The following LARGE1 variants were observed in gnomAD, a reference collection of about 807,000 sequenced individuals.
The protein encoded by LARGE1 is LARGE xylosyl- and glucuronyltransferase 1.
Under a neutral mutation model 87.6 loss-of-function variants are expected in LARGE1, and 43 were observed. The ratio of observed to expected loss-of-function variants is 0.49; its 90% CI spans 0.38 to 0.63. LARGE1 has a LOEUF of 0.63. LARGE1 is among the 30% of genes least tolerant of loss of function. The pLI, the probability that LARGE1 is intolerant of heterozygous loss-of-function variation, is 0.00. For missense variants in LARGE1, 802 were observed against 1,000.2 expected (o/e 0.80, Z 2.67); for synonymous variants, 434 against 394.6 (o/e 1.10, Z -1.18).
intron 2 of LARGE1, among the ~76,000 whole-genome samples, chr22:33,748,760 A>G (rs1195342023): frequency 6.6e-6 from 1 of 152,200 alleles, no homozygotes; most frequent in Non-Finnish European, 1.5e-5. Flanking sequence ...ATTTTGATGA[A>G]ATAATTTAAT....
intron 2 of LARGE1, among the ~76,000 whole-genome samples, chr22:33,753,272 T>C (rs901354162): frequency 2.0e-5 from 3 of 151,380 alleles, no homozygotes; most frequent in African/African-American, 4.9e-5. Flanking sequence ...GGTAGGAGAG[T>C]CACAGTCAGA....
At chr22:33,504,245 C>A (rs1460691553) in intron 6 of LARGE1, among the ~76,000 whole-genome samples, 1 of 152,090 alleles carries the variant, frequency 6.6e-6, no homozygotes, top group Non-Finnish European at 1.5e-5. Flanking sequence ...GAACTATACA[C>A]TACAAATGGG....
At chr22:33,430,378 C>G (rs1268180127) in intron 7 of LARGE1, among the ~76,000 whole-genome samples, 3 of 152,188 alleles carry the variant, frequency 2.0e-5, no homozygotes, top group East Asian at 3.9e-4. Context: ...TCCTGACCTG[C>G]TAAGAGAACC....
chr22:33,795,440 G>A (rs1267782152), intron 1 of LARGE1, among the ~76,000 whole-genome samples: 3 of 152,138 alleles, frequency 2.0e-5, no homozygotes, highest in Admixed American at 1.3e-4. Context: ...GAGGGAGAGA[G>A]AGAGACAAAG....
intron 6 of LARGE1, among the ~76,000 whole-genome samples, chr22:33,489,739 C>T (rs945927312): frequency 3.9e-5 from 6 of 152,102 alleles, no homozygotes; most frequent in Non-Finnish European, 7.4e-5. Flanking sequence ...TCGGGTGTGT[C>T]GTTATCAGCA....
intron 3 of LARGE1, 88 bp from the exon 4 acceptor site, chr22:33,626,414 C>T: frequency 9.9e-7 from 1 of 1,008,000 alleles, no homozygotes; most frequent in Admixed American, 1.9e-5. Flanking sequence ...AGAAAAATTG[C>T]CCTGATTTCT....
chr22:33,316,224 C>T lies in LARGE1; in HGVS notation c.1312G>A (p.Asp438Asn). ...ENLQKQLSEL[D>N]EDDLCYEFRR... ...AACTCATAGCACAGGTCGTCCTCGT[C>T]CAGCTCAGACAGCTGCTTCTGGAGC... The change falls in exon 11 of 15, where the codon GAC (aspartate) becomes AAC (asparagine). Residue 438 changes from aspartate (D) to asparagine (N), a missense_variant. Transcript: ENST00000397394. 4 of 1,613,888 alleles carry T rather than the reference C, an allele frequency of 2.5e-6. No individual in the cohort carries two copies. Among genetic ancestry groups the T allele is most frequent in the Non-Finnish European group, 2.5e-6 (3 of 1,179,962 alleles).
chr22:33,176,854 A>G (rs150226182), intron 11 of LARGE1, among the ~76,000 whole-genome samples: 4,593 of 152,332 alleles, frequency 0.03, 96 homozygotes, highest in Admixed American at 0.057. Context: ...AGACACATGT[A>G]CATGTATGTT....
At chr22:33,404,465 C>T (rs1221549267) in intron 7 of LARGE1, among the ~76,000 whole-genome samples, 1 of 152,200 alleles carries the variant, frequency 6.6e-6, no homozygotes, top group Non-Finnish European at 1.5e-5. Flanking sequence ...AGGCCCCCTA[C>T]CTAATAGAAA....
intron 12 of LARGE1, among the ~76,000 whole-genome samples, chr22:33,294,796 T>G (rs1933002656): frequency 6.6e-6 from 1 of 152,156 alleles, no homozygotes; most frequent in Non-Finnish European, 1.5e-5. Context: ...AGGCAAACGG[T>G]AGGCACTCAG....
intron 11 of LARGE1, among the ~76,000 whole-genome samples, chr22:33,266,359 C>T (rs554244174): frequency 3.3e-5 from 5 of 150,834 alleles, no homozygotes; most frequent in Non-Finnish European, 5.9e-5. Flanking sequence ...GTAGCTGGGA[C>T]TACAGGCACT....
chr22:33,107,468 T>A, the LARGE1 span, among the ~76,000 whole-genome samples: 1 of 152,178 alleles, frequency 6.6e-6, no homozygotes, highest in African/African-American at 2.4e-5. Flanking sequence ...GGTAGGAGAC[T>A]TGCTGGAGCC....
At chr22:33,599,198 A>T (rs1459523195) in intron 5 of LARGE1, among the ~76,000 whole-genome samples, 1 of 152,214 alleles carries the variant, frequency 6.6e-6, no homozygotes, top group Non-Finnish European at 1.5e-5. Flanking sequence ...GGAAAAGTCA[A>T]ATATCAGCGT....
chr22:33,851,330 C>T (rs761194581), intron 1 of LARGE1, among the ~76,000 whole-genome samples: 5 of 152,172 alleles, frequency 3.3e-5, no homozygotes, highest in Non-Finnish European at 5.9e-5. Flanking sequence ...TTCTCTCTAC[C>T]GCCCCAGCCT....
chr22:33,367,896 T>G (rs2064655795), intron 9 of LARGE1, among the ~76,000 whole-genome samples: 1 of 152,208 alleles, frequency 6.6e-6, no homozygotes, highest in South Asian at 2.1e-4. Context: ...AGGCTCTAAG[T>G]AGTTTTCAAT....
intron 5 of LARGE1, among the ~76,000 whole-genome samples, chr22:33,580,004 C>T (rs780950785): frequency 2.0e-5 from 3 of 152,152 alleles, no homozygotes; most frequent in Non-Finnish European, 4.4e-5. Context: ...AATGATGGCA[C>T]GAGCACTGTC....
chr22:33,290,807 G>A (rs1447672062), intron 12 of LARGE1, among the ~76,000 whole-genome samples: 1 of 152,224 alleles, frequency 6.6e-6, no homozygotes, highest in Non-Finnish European at 1.5e-5. Flanking sequence ...GGGAGGCTGA[G>A]GCGGGTGGAT....
chr22:33,394,450 G>A (rs913571593), intron 7 of LARGE1, among the ~76,000 whole-genome samples: 7 of 151,950 alleles, frequency 4.6e-5, no homozygotes, highest in African/African-American at 9.7e-5. Flanking sequence ...CGCATGCCTC[G>A]GCCTCCCGAA....
chr22:33,483,337 T>TTTTATTTTA (rs1229416955), intron 6 of LARGE1, among the ~76,000 whole-genome samples: 9 of 152,128 alleles, frequency 5.9e-5, no homozygotes, highest in African/African-American at 2.2e-4. Context: ...AGATCCAAGA[T>TTTTATTTTA]TTCATTTTAT....
Sources: gnomAD v4.1 joint callset for allele counts (sites outside exome capture counted in the v4.1 genomes callset) on GRCh38, gnomAD v4.1.1 for gene constraint, MANE v1.5 for transcripts, NCBI Gene and HGNC (gene_info 2026-07-23, HGNC 2026-07-21) for gene names.